The following OTOP3 variants were observed in gnomAD, a reference collection of about 807,000 sequenced individuals.
OTOP3 encodes the protein proton channel OTOP3.
In OTOP3, 41 loss-of-function variants were observed where a neutral mutation model predicts 50.8. That is an observed-to-expected ratio of 0.81 (90% CI 0.63 to 1.05). The LOEUF (loss-of-function observed/expected upper bound fraction) is 1.05. Ranked by LOEUF, OTOP3 falls within the 50% of genes least tolerant of loss-of-function variation. The probability of loss-of-function intolerance (pLI) is 0.00; values close to 1 mark genes in which losing one functional copy is unlikely to be tolerated. For synonymous variants in OTOP3, 320 were observed against 324.4 expected, an observed-to-expected ratio of 0.99 and a Z score of 0.14; for missense variants, 788 against 760.8, an observed-to-expected ratio of 1.04 and a Z score of -0.42.
intron 6 of OTOP3, among the ~76,000 whole-genome samples, chr17:74,947,912 C>T (rs1042439108): frequency 3.9e-5 from 6 of 152,204 alleles, no homozygotes; most frequent in African/African-American, 1.4e-4. Context: ...GCAACAGACA[C>T]TATTGCTGTC....
Position 74,949,336 on chromosome 17 carries a change from G to A in OTOP3, c.1657G>A (p.Val553Ile), listed in dbSNP as rs758926263. Residue 553 changes from valine (V) to isoleucine (I), a missense_variant, in exon 7 of 7, where the codon GTC becomes ATC. Val to Ile is a conservative substitution (Grantham distance 29). Transcript: ENST00000328801. ...FYGYQIWFAI[V>I]NFGLPLGVFY... The stretch of plus-strand genomic sequence containing the variant: ...CGGCTACCAGATATGGTTCGCCATC[G>A]TCAACTTCGGCCTGCCTCTGGGGGT... 23 of 1,613,934 alleles carry A rather than the reference G, an allele frequency of 1.4e-5. No homozygotes were observed. Among genetic ancestry groups the A allele is most frequent in the Admixed American group, 8.3e-5 (5 of 60,000 alleles).
intron 1 of OTOP3, among the ~76,000 whole-genome samples, chr17:74,936,166 G>A (rs2039112854): frequency 6.6e-6 from 1 of 152,226 alleles, no homozygotes; most frequent in Admixed American, 6.5e-5. Context: ...GACCCGGGGA[G>A]CACAGAGGGC....
intron 5 of OTOP3, among the ~76,000 whole-genome samples, chr17:74,945,712 T>C (rs1308501721): frequency 6.6e-6 from 1 of 152,234 alleles, no homozygotes; most frequent in Non-Finnish European, 1.5e-5. Flanking sequence ...GCCACGGGTT[T>C]TCCCTTGAGC....
chr17:74,948,877 G>A (rs11649883), intron 6 of OTOP3, among the ~76,000 whole-genome samples: 51,331 of 152,072 alleles, frequency 0.34, 10,818 homozygotes, highest in Non-Finnish European at 0.49. Flanking sequence ...GTAGCTAGCC[G>A]AGGAGTGAAG....
At position 74,942,040 on chromosome 17, in the gene OTOP3, G is replaced by T; in HGVS notation, c.573+3G>T. On this transcript the variant is annotated splice_donor_region_variant and intron_variant, in intron 3 of 6. Coordinates refer to ENST00000328801, the MANE Select transcript of OTOP3 (RefSeq NM_001272005.2). ...AGATGGTCTTCATCGGCGTCCAGGT[G>T]ACAGGCTTCTCACGTCCCCACATCA... 1 of 1,605,200 alleles carries T rather than the reference G, an allele frequency of 6.2e-7. No homozygotes were observed. The highest frequency in any genetic ancestry group is 1.1e-5 in the South Asian group (1 of 89,804).
chr17:74,949,408 G>C lies in OTOP3; in HGVS notation c.1729G>C (p.Gly577Arg), dbSNP rs771535560. The C allele has an allele frequency of 1.2e-6, 2 of 1,612,334 alleles. No homozygotes were observed. The highest frequency in any genetic ancestry group is 2.7e-5 in the African/African-American group (2 of 74,866). Reference protein sequence around the residue: ...SVGGLVEVYLGA With the variant: ...SVGGLVEVYLRA ...GGGAGGCCTGGTGGAGGTCTACCTG[G>C]GGGCCTGAGGCTGCCCACCCCCGGC... Residue 577 changes from glycine (G) to arginine (R), a missense_variant, in exon 7 of 7, where the codon GGG (glycine) becomes CGG (arginine). Coordinates refer to ENST00000328801, the MANE Select transcript of OTOP3 (RefSeq NM_001272005.2).
rs113286281 is a variant in OTOP3, at chr17:74,947,368, G to C, written c.1459G>C (p.Gly487Arg). Residue 487 changes from glycine to arginine, a missense_variant, in exon 6 of 7, where the codon GGC (glycine) becomes CGC (arginine). Transcript: ENST00000328801. ...AGGCTCCTTGCTGGAGCTGGGCCAGGGCCTGCAGCGGGCCTCACTGGCCTA... is the reference window on the plus strand; with the variant it reads ...AGGCTCCTTGCTGGAGCTGGGCCAGCGCCTGCAGCGGGCCTCACTGGCCTA... ...RRGSLLELGQ[G>R]LQRASLAYIH... 1.9e-6 allele frequency: 3 copies of C among 1,613,086 alleles called. No homozygotes were observed. The highest frequency in any genetic ancestry group is 1.7e-6 in the Non-Finnish European group (2 of 1,180,018).
At chr17:74,936,672 T>C (rs1394240043) in intron 1 of OTOP3, among the ~76,000 whole-genome samples, 1 of 152,270 alleles carries the variant, frequency 6.6e-6, no homozygotes, top group African/African-American at 2.4e-5. Flanking sequence ...AGACGGGGGA[T>C]ACTGTCAGGG....
chr17:74,941,854 G>C (rs774381232), intron 2 of OTOP3, 45 bp downstream of exon 2: 45 of 1,591,262 alleles, frequency 2.8e-5, no homozygotes, highest in Admixed American at 2.5e-4. Flanking sequence ...TGGGGAGGGA[G>C]AGCCGGTTCC....
chr17:74,943,615 G>A lies in OTOP3; in HGVS notation c.642G>A (p.Leu214=). The A allele has an allele frequency of 6.2e-7, 1 of 1,613,838 alleles. No individual in the cohort carries two copies. Among genetic ancestry groups the A allele is most frequent in the Non-Finnish European group, 8.5e-7 (1 of 1,179,990 alleles). ...GTGGCATTTCCCCCAGGTGTGGCCT[G>A]ATGCTGACCCTGGCCACAAACCTGC... ...RVQTNFTRCG[L]MLTLATNLLL... is the part of the protein sequence containing the mutation. Residue 214 remains leucine, a synonymous_variant, in exon 5 of 7, where the codon CTG becomes CTA. Transcript: ENST00000328801.
Position 74,941,699 on chromosome 17 carries a change from C to T in OTOP3, c.326C>T (p.Thr109Met), listed in dbSNP as rs146668104. ...GGTGACGTGTGGATCCTGCTGGCCA[C>T]GCTGAAGGTCCTCTCCCTGCTTTGG... ...TLGDVWILLA[T>M]LKVLSLLWLL... The change falls in exon 2 of 7, where the codon ACG becomes ATG. Residue 109 changes from threonine (T) to methionine (M), a missense_variant. Physicochemically the swap from Thr to Met is moderately conservative, Grantham distance 81. Coordinates refer to ENST00000328801, the MANE Select transcript of OTOP3 (RefSeq NM_001272005.2). The T allele has an allele frequency of 9.9e-6, 16 of 1,614,052 alleles. No individual in the cohort carries two copies. Among genetic ancestry groups the T allele is most frequent in the South Asian group, 8.8e-5 (8 of 91,092 alleles).
chr17:74,948,688 AT>A (rs2039252064), intron 6 of OTOP3, among the ~76,000 whole-genome samples: 1 of 151,816 alleles, frequency 6.6e-6, no homozygotes, highest in African/African-American at 2.4e-5. Context: ...AAAAATAAAA[AT>A]TAGCCAGGCA....
chr17:74,939,764 G>A (rs1279220567), intron 1 of OTOP3, among the ~76,000 whole-genome samples: 1 of 152,154 alleles, frequency 6.6e-6, no homozygotes, highest in Non-Finnish European at 1.5e-5. Flanking sequence ...CACAGAAATA[G>A]AAGCCAGTTC....
intron 6 of OTOP3, among the ~76,000 whole-genome samples, chr17:74,948,367 A>T (rs552622240): frequency 4.6e-5 from 7 of 152,272 alleles, no homozygotes; most frequent in South Asian, 2.1e-4. Flanking sequence ...CTACAAAAAA[A>T]ATTTTAAATT....
Position 74,943,759 on chromosome 17 carries a change from A to AACACAC in OTOP3, c.751+65_751+70dup, listed in dbSNP as rs35254855. 4,138 of 982,476 alleles carry AACACAC rather than the reference A, an allele frequency of 4.2e-3. 83 individuals carry two copies. The African/African-American group carries it at 0.06, about 14-fold the overall frequency. The allele number at this position is 982,476 out of a possible 1,614,324, so 60.9% of individuals were successfully genotyped here. A position where few individuals can be genotyped will look rare whatever the true frequency, so the allele number is the denominator to read the frequency against. Reference sequence around the variant, plus strand: ...GGAGACCAGGTCTTCCTTGCCCTGAAACACACACACACACACACACACACA... The same window carrying AACACAC: ...GGAGACCAGGTCTTCCTTGCCCTGAAACACACACACACACACACACACACACACACA... On this transcript the variant is annotated intron_variant, in intron 5 of 6. Coordinates refer to ENST00000328801, the MANE Select transcript of OTOP3 (RefSeq NM_001272005.2).
At chr17:74,943,039 C>T (rs1347201502) in intron 3 of OTOP3, among the ~76,000 whole-genome samples, 1 of 152,228 alleles carries the variant, frequency 6.6e-6, no homozygotes, top group East Asian at 1.9e-4. Flanking sequence ...GTCTTATTTC[C>T]CCCAACAAGA....
At chr17:74,939,882 C>A (rs1053650374) in intron 1 of OTOP3, among the ~76,000 whole-genome samples, 1 of 152,054 alleles carries the variant, frequency 6.6e-6, no homozygotes, top group Non-Finnish European at 1.5e-5. Context: ...TTTCCCTAAA[C>A]CTTTAATGTA....
At chr17:74,944,760 CAAAAT>C (rs1210582739) in intron 5 of OTOP3, among the ~76,000 whole-genome samples, 3 of 151,976 alleles carry the variant, frequency 2.0e-5, no homozygotes, top group Non-Finnish European at 4.4e-5. Flanking sequence ...TGTCATAAAA[CAAAAT>C]AAAATAAGAT....
At chr17:74,947,835 G>A (rs1454066465) in intron 6 of OTOP3, among the ~76,000 whole-genome samples, 1 of 152,180 alleles carries the variant, frequency 6.6e-6, no homozygotes, top group Admixed American at 6.5e-5. Flanking sequence ...AGCTTCTGGC[G>A]GAAGTCCCAG....
Sources: gnomAD v4.1 joint callset for allele counts (sites outside exome capture counted in the v4.1 genomes callset) on GRCh38, gnomAD v4.1.1 for gene constraint, MANE v1.5 for transcripts, NCBI Gene and HGNC (gene_info 2026-07-23, HGNC 2026-07-21) for gene names.